Variants in CDH4 observed in about 807,000 individuals in gnomAD.
The protein encoded by CDH4 is cadherin-4.
Under a neutral mutation model 86.0 loss-of-function variants are expected in CDH4, and 33 were observed. The ratio of observed to expected loss-of-function variants is 0.38; its 90% CI spans 0.29 to 0.51. CDH4 has a LOEUF of 0.51. CDH4 is among the 20% of genes least tolerant of loss of function. CDH4 has a pLI of 0.86. For missense variants in CDH4, 1,114 were observed against 1,307.4 expected, an observed-to-expected ratio of 0.85 and a Z score of 2.28; for synonymous variants, 555 against 549.4, an observed-to-expected ratio of 1.01 and a Z score of -0.14.
At chr20:61,759,098 A>C (rs1053306057) in intron 3 of CDH4, among the ~76,000 whole-genome samples, 3 of 152,182 alleles carry the variant, frequency 2.0e-5, no homozygotes, top group Non-Finnish European at 4.4e-5. Flanking sequence ...GTGCGCACAC[A>C]CGTCTATATA....
intron 2 of CDH4, among the ~76,000 whole-genome samples, chr20:61,303,890 C>T (rs1206769048): frequency 3.3e-5 from 5 of 152,178 alleles, no homozygotes; most frequent in Non-Finnish European, 7.3e-5. Context: ...GGCACGGTGC[C>T]ATCCTGTTTT....
At chr20:61,346,791 C>T (rs544901059) in intron 2 of CDH4, among the ~76,000 whole-genome samples, 6 of 151,340 alleles carry the variant, frequency 4.0e-5, no homozygotes, top group African/African-American at 9.7e-5. Flanking sequence ...GAATGGATTC[C>T]GGGGGCCAGG....
chr20:61,279,613 C>T (rs1014653755), intron 2 of CDH4, among the ~76,000 whole-genome samples: 2 of 152,142 alleles, frequency 1.3e-5, no homozygotes, highest in African/African-American at 4.8e-5. Context: ...GGATGGGCCT[C>T]GACAGCAGGG....
intron 2 of CDH4, among the ~76,000 whole-genome samples, chr20:61,606,571 T>C (rs1325538844): frequency 6.6e-6 from 1 of 152,230 alleles, no homozygotes; most frequent in Admixed American, 6.5e-5. Context: ...ATCTGAATGA[T>C]TGCTGTTGGC....
chr20:61,388,131 G>T (rs1306573760), intron 2 of CDH4, among the ~76,000 whole-genome samples: 1 of 152,236 alleles, frequency 6.6e-6, no homozygotes, highest in Admixed American at 6.5e-5. Context: ...ATCCTGCAGG[G>T]TGGAGACGGC....
rs772037824 is a variant in CDH4, at chr20:61,933,033, G to A, written c.2288G>A (p.Arg763His). The A allele has an allele frequency of 8.1e-6, 13 of 1,613,286 alleles. No individual in the cohort carries two copies. The highest frequency in any genetic ancestry group is 2.2e-5 in the East Asian group (1 of 44,878). The change falls in exon 14 of 16, where the codon CGC becomes CAC. Residue 763 changes from arginine (R) to histidine (H), a missense_variant. Around this residue, in one of 3 missense-constraint regions of CDH4, gnomAD observed 705 missense variants for 914.1 expected, o/e 0.77. Transcript: ENST00000614565. The stretch of plus-strand genomic sequence containing the variant: ...TGGATGAAGCGGCGAGAGAAGGAGC[G>A]CCACACGAAGCAGCTGCTCATTGAC... ...VMWMKRREKE[R>H]HTKQLLIDPE...
chr20:61,621,226 G>A (rs1459484892), intron 2 of CDH4, among the ~76,000 whole-genome samples: 2 of 152,194 alleles, frequency 1.3e-5, no homozygotes, highest in Non-Finnish European at 2.9e-5. Context: ...TCCGGTCAGG[G>A]CCGGCTGCTA....
At chr20:61,285,199 A>C (rs2084286796) in intron 2 of CDH4, among the ~76,000 whole-genome samples, 1 of 152,144 alleles carries the variant, frequency 6.6e-6, no homozygotes, top group Admixed American at 6.5e-5. Context: ...GTTTGGCGTT[A>C]TTGGCACCAT....
rs988203995 is a variant in CDH4, at chr20:61,337,959, C to A, written c.169+83022C>A. Among the ~76,000 whole-genome samples, 3 of 152,194 alleles carry A rather than the reference C, an allele frequency of 2.0e-5. No homozygotes were observed. The South Asian group carries it at 6.2e-4, about 32-fold the overall frequency. On this transcript the variant is annotated intron_variant, in intron 2 of 15. Coordinates refer to ENST00000614565, the MANE Select transcript of CDH4 (RefSeq NM_001794.5). ...AATTAGTTTGGTTATTTCACAATAG[C>A]ATTTACAGTTTTCTTATTAACTGGG...
In CDH4 at chr20:61,373,155, G is replaced by A. The variant is rs73308654; in HGVS notation, c.169+118218G>A. Among the ~76,000 whole-genome samples, 630 of 152,304 alleles carry A rather than the reference G, an allele frequency of 4.1e-3. 6 individuals are homozygous for A. Among genetic ancestry groups the A allele is most frequent in the African/African-American group, 0.014 (599 of 41,568 alleles). ...TGTCCCTTAACTGGGCACGTCCTCT[G>A]TGTGGCCGACACTCCCGCCCCCGTC... On this transcript the variant is annotated intron_variant, in intron 2 of 15. Transcript: ENST00000614565.
intron 2 of CDH4, among the ~76,000 whole-genome samples, chr20:61,340,183 C>T (rs1280637649): frequency 6.6e-6 from 1 of 152,088 alleles, no homozygotes; most frequent in Non-Finnish European, 1.5e-5. Context: ...GGAAGGGGAG[C>T]TAGCAAGGGA....
intron 4 of CDH4, among the ~76,000 whole-genome samples, chr20:61,783,112 G>A (rs549126052): frequency 1.1e-4 from 16 of 152,236 alleles, no homozygotes; most frequent in Middle Eastern, 3.4e-3. Context: ...TTATATATGC[G>A]TCAATGAAAA....
chr20:61,881,656 C>T (rs1984281616), intron 7 of CDH4, among the ~76,000 whole-genome samples: 3 of 152,108 alleles, frequency 2.0e-5, no homozygotes, highest in Admixed American at 2.0e-4. Context: ...AGGCAGAGGG[C>T]AGGAAGAGGA....
intron 8 of CDH4, among the ~76,000 whole-genome samples, chr20:61,908,722 G>A (rs2054818938): frequency 6.6e-6 from 1 of 152,166 alleles, no homozygotes; most frequent in Admixed American, 6.5e-5. Flanking sequence ...AGCTGGGGAG[G>A]GGCACTCCGG....
At chr20:61,294,663 G>A (rs1395409881) in intron 2 of CDH4, among the ~76,000 whole-genome samples, 1 of 152,200 alleles carries the variant, frequency 6.6e-6, no homozygotes, top group East Asian at 1.9e-4. Flanking sequence ...CTACACGCAG[G>A]GCCCCTGTCG....
At chr20:61,763,455 C>T (rs1252953597) in intron 3 of CDH4, among the ~76,000 whole-genome samples, 1 of 152,212 alleles carries the variant, frequency 6.6e-6, no homozygotes, top group East Asian at 1.9e-4. Context: ...CACGCAATGG[C>T]TACGGCACTG....
At chr20:61,492,202 A>G (rs544755819) in intron 2 of CDH4, among the ~76,000 whole-genome samples, 17 of 145,584 alleles carry the variant, frequency 1.2e-4, no homozygotes, top group African/African-American at 4.4e-4. Flanking sequence ...GATATTGTTG[A>G]TATTGGTGGT....
At chr20:61,367,295 C>G (rs944818983) in intron 2 of CDH4, among the ~76,000 whole-genome samples, 2 of 152,174 alleles carry the variant, frequency 1.3e-5, no homozygotes, top group South Asian at 2.1e-4. Flanking sequence ...CATTCTGGAG[C>G]TGAAGCACAG....
intron 6 of CDH4, among the ~76,000 whole-genome samples, chr20:61,867,287 C>T (rs1457142172): frequency 6.6e-6 from 1 of 152,240 alleles, no homozygotes; most frequent in Non-Finnish European, 1.5e-5. Context: ...CGGTAGCTCA[C>T]ACCTGTAATC....
Sources: gnomAD v4.1 joint callset for allele counts (sites outside exome capture counted in the v4.1 genomes callset) on GRCh38, gnomAD v4.1.1 for gene constraint, gnomAD v4.1.1 regional missense constraint, MANE v1.5 for transcripts, NCBI Gene and HGNC (gene_info 2026-07-23, HGNC 2026-07-21) for gene names.